NIPBL: variants seen among roughly 807,000 people sequenced by gnomAD.
The protein encoded by NIPBL is NIPBL cohesin loading factor.
Under a neutral mutation model 321.8 loss-of-function variants are expected in NIPBL, and 19 were observed. The ratio of observed to expected loss-of-function variants is 0.06; its 90% CI spans 0.04 to 0.09. The LOEUF (loss-of-function observed/expected upper bound fraction) is 0.09, where lower values mean the gene tolerates loss of function less well. Ranked by LOEUF, NIPBL falls within the 10% of genes least tolerant of loss-of-function variation. The pLI, the probability that NIPBL is intolerant of heterozygous loss-of-function variation, is 1.00. For synonymous variants in NIPBL, 1,106 were observed against 1,114.1 expected (o/e 0.99, Z 0.14); for missense variants, 2,210 against 3,327.0 (o/e 0.66, Z 8.26).
intron 14 of NIPBL, among the ~76,000 whole-genome samples, chr5:37,001,325 C>T (rs1343471017): frequency 6.6e-6 from 1 of 152,096 alleles, no homozygotes; most frequent in Admixed American, 6.6e-5. Context: ...CTAGAGGATA[C>T]AGAGGCATAC....
At chr5:36,906,163 A>C (rs1747619723) in intron 1 of NIPBL, among the ~76,000 whole-genome samples, 4 of 152,160 alleles carry the variant, frequency 2.6e-5, no homozygotes, top group Admixed American at 1.3e-4. Context: ...GATGAGAACA[A>C]CCCGAAAATA....
intron 1 of NIPBL, among the ~76,000 whole-genome samples, chr5:36,918,666 A>G (rs1489345920): frequency 3.3e-5 from 5 of 152,276 alleles, no homozygotes; most frequent in Admixed American, 1.3e-4. Flanking sequence ...TGGGTTTGTC[A>G]TAGATAGCTC....
In NIPBL at chr5:36,892,897, C is replaced by A. The variant is rs548399456; in HGVS notation, c.-80+15719C>A. On this transcript the variant is annotated intron_variant, in intron 1 of 46. Coordinates refer to ENST00000282516, the MANE Select transcript of NIPBL (RefSeq NM_133433.4). Reference sequence around the variant, plus strand: ...GGCACATGTATACATATGTAACAAACCTGCACGTTGTGCACGTGTACCCTA... The same window carrying A: ...GGCACATGTATACATATGTAACAAAACTGCACGTTGTGCACGTGTACCCTA... 2.6e-5 allele frequency among the ~76,000 whole-genome samples: 4 copies of A among 152,160 alleles called. No homozygotes were observed. The East Asian group carries it at 7.7e-4, about 29-fold the overall frequency.
At chr5:36,933,651 A>G (rs898942344) in intron 1 of NIPBL, among the ~76,000 whole-genome samples, 2 of 152,142 alleles carry the variant, frequency 1.3e-5, no homozygotes, top group Non-Finnish European at 2.9e-5. Flanking sequence ...AAGGCTGAGC[A>G]GATTTTTCTG....
chr5:37,021,905 T>C, intron 27 of NIPBL, 146 bp from the exon 28 acceptor site: 1 of 687,958 alleles, frequency 1.5e-6, no homozygotes, highest in Non-Finnish European at 2.5e-6. Flanking sequence ...AAACTTTGAA[T>C]CATTAGGAAA....
chr5:37,007,988 TACTC>T lies in NIPBL; in HGVS notation c.4240-19_4240-16del, dbSNP rs1561148477. The T allele has an allele frequency of 7.0e-7, 1 of 1,423,830 alleles. No homozygotes were observed. The allele number at this position is 1,423,830 out of a possible 1,614,324, so 88.2% of individuals were successfully genotyped here. Reference sequence around the variant, plus strand: ...AAATCAACTAAAGGTGTATACTACTTACTCTTCTTTTTTAAACAGGTTTCATCTA... The same window carrying T: ...AAATCAACTAAAGGTGTATACTACTTTTCTTTTTTAAACAGGTTTCATCTA... On this transcript the variant is annotated splice_polypyrimidine_tract_variant and intron_variant, in intron 18 of 46. Transcript: ENST00000282516.
chr5:36,927,897 G>A (rs1408569606), intron 1 of NIPBL, among the ~76,000 whole-genome samples: 1 of 152,084 alleles, frequency 6.6e-6, no homozygotes, highest in Admixed American at 6.6e-5. Context: ...TGTTGGCCAG[G>A]CTAGTCTCAA....
At chr5:37,001,248 C>T (rs1265309396) in intron 14 of NIPBL, among the ~76,000 whole-genome samples, 170 bp downstream of exon 14, 2 of 152,096 alleles carry the variant, frequency 1.3e-5, no homozygotes, top group Non-Finnish European at 2.9e-5. Flanking sequence ...ATTTGACTAG[C>T]AACTGCTCTT....
intron 32 of NIPBL, among the ~76,000 whole-genome samples, chr5:37,032,666 G>A (rs956466313): frequency 6.6e-6 from 1 of 151,954 alleles, no homozygotes; most frequent in Non-Finnish European, 1.5e-5. Flanking sequence ...ATTCAGCTAC[G>A]TGGGAGGCAG....
In NIPBL at chr5:36,986,195, A is replaced by G. The variant is rs1669445; in HGVS notation, c.3015A>G (p.Leu1005=). 6.0e-3 allele frequency: 9,602 copies of G among 1,608,350 alleles called. 515 individuals are homozygous for G. In the African/African-American group the frequency reaches 0.11, roughly 19 times the overall value. The change falls in exon 10 of 47, where the codon CTA becomes CTG. Residue 1005 remains leucine (L), a synonymous_variant. Transcript: ENST00000282516. ...LNKGAKPVVV[L]QKLSLDDVQK... The stretch of plus-strand genomic sequence containing the variant: ...AAGGAGCTAAGCCTGTAGTTGTGCT[A>G]CAAAAACTGTCTTTGGATGATGTTC...
chr5:36,982,696 C>A (rs557509639), intron 9 of NIPBL, among the ~76,000 whole-genome samples: 247 of 151,618 alleles, frequency 1.6e-3, no homozygotes, highest in African/African-American at 5.5e-3. Context: ...ATTTTAATGT[C>A]TTTACGTAAA....
At chr5:36,931,406 C>T (rs1267734007) in intron 1 of NIPBL, among the ~76,000 whole-genome samples, 1 of 151,346 alleles carries the variant, frequency 6.6e-6, no homozygotes, top group Non-Finnish European at 1.5e-5. Context: ...CAGCCTCTGC[C>T]TCCTAGGCTC....
In NIPBL at chr5:37,064,550, T is replaced by A; in HGVS notation, c.8073T>A (p.Asn2691Lys). Residue 2691 changes from asparagine to lysine, a missense_variant, in exon 47 of 47, where the codon AAT (asparagine) becomes AAA (lysine). By Grantham distance (94) the Asn-to-Lys change is moderately conservative. This residue lies in a region of NIPBL where 159 missense variants were observed against 319.2 expected (regional missense o/e 0.50). Transcript: ENST00000282516. ...AGTCATTGAGAAGGTCAAAACGAAA[T>A]TCAGACTCTACGGAGTTGGCAGCAC... ...TSGSLRRSKR[N>K]SDSTELAAQM... 1 of 1,613,880 alleles carries A rather than the reference T, an allele frequency of 6.2e-7. No individual in the cohort carries two copies. Among genetic ancestry groups the A allele is most frequent in the Non-Finnish European group, 8.5e-7 (1 of 1,180,026 alleles).
chr5:37,054,212 A>G (rs1010187163), intron 42 of NIPBL, among the ~76,000 whole-genome samples: 3 of 152,090 alleles, frequency 2.0e-5, no homozygotes, highest in Admixed American at 6.5e-5. Flanking sequence ...AAAAAAAAAA[A>G]AAGAACAAAA....
chr5:37,038,631 A>C lies in NIPBL; in HGVS notation c.6001A>C (p.Arg2001=). 1 of 1,613,752 alleles carries C rather than the reference A, an allele frequency of 6.2e-7. No homozygotes were observed. The highest frequency in any genetic ancestry group is 1.3e-5 in the African/African-American group (1 of 75,024). ...TGACAATAAAGGTGTGAATTCTGGA[A>C]GATTGGTAGCTTGCATAACCACTTT... ...DSDNKGVNSG[R]LVACITTLFL... Residue 2001 remains arginine (R), a synonymous_variant, in exon 34 of 47, where the codon AGA becomes CGA. Coordinates refer to ENST00000282516, the MANE Select transcript of NIPBL (RefSeq NM_133433.4).
intron 1 of NIPBL, among the ~76,000 whole-genome samples, chr5:36,899,365 T>C (rs984160034): frequency 2.2e-4 from 33 of 152,366 alleles, no homozygotes; most frequent in Middle Eastern, 3.4e-3. Flanking sequence ...GATTGTCTTA[T>C]GTACTTACAA....
chr5:36,939,815 G>T (rs1738865707), intron 1 of NIPBL, among the ~76,000 whole-genome samples: 2 of 152,096 alleles, frequency 1.3e-5, no homozygotes, highest in Admixed American at 1.3e-4. Flanking sequence ...TTTTTATCAG[G>T]AACCCACTCC....
chr5:36,950,120 A>T (rs1463410322), intron 1 of NIPBL, among the ~76,000 whole-genome samples: 1 of 151,978 alleles, frequency 6.6e-6, no homozygotes, highest in East Asian at 1.9e-4. Flanking sequence ...CTCCTACCTT[A>T]TGATTTAAAT....
At chr5:37,018,473 A>G (rs1749247028) in intron 24 of NIPBL, among the ~76,000 whole-genome samples, 4 of 152,248 alleles carry the variant, frequency 2.6e-5, no homozygotes, top group African/African-American at 9.6e-5. Context: ...TCTAGAACAA[A>G]AAGGTATTTC....
Sources: allele counts gnomAD v4.1 joint callset (sites outside exome capture counted in the v4.1 genomes callset), GRCh38; gene constraint gnomAD v4.1.1; regional missense constraint gnomAD v4.1.1; transcripts MANE v1.5; gene names NCBI Gene and HGNC (gene_info 2026-07-23, HGNC 2026-07-21).